ATP6V0A4: variants seen among roughly 807,000 people sequenced by gnomAD.
ATP6V0A4 encodes the protein ATPase H+ transporting V0 subunit a4.
A neutral mutation model predicts 107.3 loss-of-function variants in ATP6V0A4; 86 were observed. The observed-to-expected ratio is 0.80, with a 90% CI of 0.67 to 0.96. ATP6V0A4 has a LOEUF of 0.96. ATP6V0A4 is among the 40% of genes least tolerant of loss of function. ATP6V0A4 has a pLI of 0.00. For missense variants in ATP6V0A4, 908 were observed against 1,045.6 expected (o/e 0.87, Z 1.81); for synonymous variants, 353 against 381.4 (o/e 0.93, Z 0.87).
intron 1 of ATP6V0A4, among the ~76,000 whole-genome samples, chr7:138,790,966 T>C (rs1461601660): frequency 3.3e-5 from 5 of 151,910 alleles, no homozygotes. Context: ...CAATAAAAAA[T>C]AACCAGGTAT....
chr7:138,737,363 C>T (rs1040825229), intron 15 of ATP6V0A4, among the ~76,000 whole-genome samples: 3 of 151,298 alleles, frequency 2.0e-5, no homozygotes. Flanking sequence ...CTCTCTCTTG[C>T]CTGCCGCCAT....
intron 3 of ATP6V0A4, among the ~76,000 whole-genome samples, chr7:138,769,939 G>A (rs899044543): frequency 7.9e-5 from 12 of 152,084 alleles, no homozygotes; most frequent in African/African-American, 2.7e-4. Context: ...TTAACCGAGC[G>A]TGGTGGTGTG....
chr7:138,768,666 C>T, intron 5 of ATP6V0A4, 114 bp downstream of exon 5: 1 of 1,303,568 alleles, frequency 7.7e-7, no homozygotes, highest in Non-Finnish European at 1.1e-6. Flanking sequence ...GCAGGCCTGC[C>T]TCCCTGCCTT....
chr7:138,752,594 C>A, intron 11 of ATP6V0A4, 31 bp downstream of exon 11: 1 of 1,610,916 alleles, frequency 6.2e-7, no homozygotes, highest in South Asian at 1.1e-5. Context: ...GCTGACTCAT[C>A]GGACCCCTCC....
chr7:138,792,382 A>T (rs963590713), intron 1 of ATP6V0A4, among the ~76,000 whole-genome samples: 5 of 152,146 alleles, frequency 3.3e-5, no homozygotes, highest in Non-Finnish European at 5.9e-5. Context: ...TTAAGAATGC[A>T]CTTGTGAGAA....
At chr7:138,737,220 C>T (rs990667124) in intron 15 of ATP6V0A4, among the ~76,000 whole-genome samples, 2 of 149,980 alleles carry the variant, frequency 1.3e-5, no homozygotes, top group Non-Finnish European at 3.0e-5. Context: ...TTTCCACGTG[C>T]TGTGGGAGGA....
intron 8 of ATP6V0A4, among the ~76,000 whole-genome samples, chr7:138,759,050 C>CTTTTTTTTTTTTTTTTTTT: frequency 1.1e-5 from 1 of 91,926 alleles, no homozygotes; most frequent in South Asian, 4.4e-4. Context: ...CATGCCCAGC[C>CTTTTTTTTTTTTTTTTTTT]TATTTTTTTT....
intron 11 of ATP6V0A4, among the ~76,000 whole-genome samples, chr7:138,752,204 T>C (rs1323314745): frequency 6.6e-6 from 1 of 151,930 alleles, no homozygotes; most frequent in African/African-American, 2.4e-5. Flanking sequence ...ACCCCGTCTC[T>C]ACTAAAAATA....
chr7:138,763,192 C>A, intron 5 of ATP6V0A4, 167 bp from the exon 6 acceptor site: 1 of 326,826 alleles, frequency 3.1e-6, no homozygotes, highest in Non-Finnish European at 4.4e-6. Context: ...CACAGACACA[C>A]ACACACACAC....
chr7:138,725,943 A>G (rs1804689047), intron 18 of ATP6V0A4, among the ~76,000 whole-genome samples: 1 of 152,170 alleles, frequency 6.6e-6, no homozygotes, highest in Non-Finnish European at 1.5e-5. Flanking sequence ...ATATGTTTCA[A>G]TAACATTAAC....
chr7:138,768,632 T>C, intron 5 of ATP6V0A4, 148 bp downstream of exon 5: 1 of 957,258 alleles, frequency 1.0e-6, no homozygotes, highest in Non-Finnish European at 1.5e-6. Context: ...CCTGGGGCTG[T>C]AACCCTGAGA....
At position 138,745,148 on chromosome 7, in the gene ATP6V0A4, G is replaced by A. The variant is rs180980302; in HGVS notation, c.1453C>T (p.Pro485Ser). Residue 485 changes from proline to serine, a missense_variant, in exon 14 of 22, where the codon CCC becomes TCC. Transcript: ENST00000310018. Reference protein sequence around the residue: ...NIFGSSWSVQPMFRNGTWNTH... With the variant: ...NIFGSSWSVQSMFRNGTWNTH... ...TTCCATGTGCCGTTTCTGAACATGG[G>A]TTGGACACTCCAAGAAGAGCCAAAG... 177 of 1,614,152 alleles carry A rather than the reference G, an allele frequency of 1.1e-4. No individual in the cohort carries two copies. Among genetic ancestry groups the A allele is most frequent in the Non-Finnish European group, 1.5e-5 (18 of 1,179,970 alleles).
At chr7:138,728,618 A>G in intron 18 of ATP6V0A4, 143 bp downstream of exon 18, 2 of 1,146,732 alleles carry the variant, frequency 1.7e-6, no homozygotes, top group Non-Finnish European at 2.6e-6. Context: ...ACAGAACGAA[A>G]CATACTCAGG....
chr7:138,761,325 C>T (rs1173089657), intron 7 of ATP6V0A4, among the ~76,000 whole-genome samples: 1 of 116,418 alleles, frequency 8.6e-6, no homozygotes, highest in Non-Finnish European at 1.8e-5. Flanking sequence ...GAGTGAGAGC[C>T]CGTGTCAAAA....
At chr7:138,743,337 A>G (rs1407242846) in intron 14 of ATP6V0A4, among the ~76,000 whole-genome samples, 1 of 151,978 alleles carries the variant, frequency 6.6e-6, no homozygotes, top group Non-Finnish European at 1.5e-5. Flanking sequence ...GTGTGCCTGT[A>G]GTCCCAGCTA....
In ATP6V0A4 at chr7:138,717,188, C is replaced by A. The variant is rs77555574; in HGVS notation, c.2140-1307G>T. Among the ~76,000 whole-genome samples the A allele has an allele frequency of 7.9e-3, 1,203 of 152,204 alleles. 14 individuals are homozygous for A. The highest frequency in any genetic ancestry group is 0.025 in the African/African-American group (1,043 of 41,518). On this transcript the variant is annotated intron_variant, in intron 19 of 21. Coordinates refer to ENST00000310018, the MANE Select transcript of ATP6V0A4 (RefSeq NM_020632.3). The stretch of plus-strand genomic sequence containing the variant: ...GAGCTCAGGTGGAACTACCGAAGCC[C>A]CGAAGAAAAGTCCCGGCTGGAAACG...
intron 8 of ATP6V0A4, among the ~76,000 whole-genome samples, chr7:138,758,897 T>G (rs1806645275): frequency 6.6e-6 from 1 of 151,018 alleles, no homozygotes; most frequent in Non-Finnish European, 1.5e-5. Flanking sequence ...ACTACAGGTG[T>G]GCGCCACCAC....
intron 13 of ATP6V0A4, among the ~76,000 whole-genome samples, chr7:138,745,497 T>A (rs909362330): frequency 6.6e-6 from 1 of 151,614 alleles, no homozygotes; most frequent in Non-Finnish European, 1.5e-5. Flanking sequence ...TGGTATTTGT[T>A]ATCATGAAAC....
intron 2 of ATP6V0A4, among the ~76,000 whole-genome samples, chr7:138,777,633 TACACACACACACACAC>T (rs1176566807): frequency 6.6e-5 from 7 of 106,376 alleles, no homozygotes; most frequent in Non-Finnish European, 1.1e-4. Context: ...AAAAAAAAAA[TACACACACACACACAC>T]ACACACACAC....
Sources: gnomAD v4.1 joint callset for allele counts (sites outside exome capture counted in the v4.1 genomes callset) on GRCh38, gnomAD v4.1.1 for gene constraint, MANE v1.5 for transcripts, NCBI Gene and HGNC (gene_info 2026-07-23, HGNC 2026-07-21) for gene names.